GDPD5: variants seen among roughly 807,000 people sequenced by gnomAD.
GDPD5 encodes the protein glycerophosphodiester phosphodiesterase 2.
In GDPD5, 48 loss-of-function variants were observed where a neutral mutation model predicts 75.1. The ratio of observed to expected loss-of-function variants is 0.64; its 90% CI spans 0.51 to 0.81. The LOEUF (loss-of-function observed/expected upper bound fraction) is 0.81. Among genes scored for constraint, GDPD5 ranks in the 40% least tolerant of loss-of-function variants. The pLI is 0.00. For synonymous variants in GDPD5, 336 were observed against 339.0 expected (o/e 0.99, Z 0.10); for missense variants, 706 against 822.6 (o/e 0.86, Z 1.73).
chr11:75,437,721 A>C (rs1948662996), intron 15 of GDPD5: 2 of 152,518 alleles, frequency 1.3e-5, no homozygotes, highest in African/African-American at 2.4e-5. Context: ...ATTACTCAAG[A>C]GTGGGCTGGG....
intron 11 of GDPD5, 57 bp from the exon 12 acceptor site, chr11:75,442,638 C>G (rs972620171): frequency 6.5e-7 from 1 of 1,529,076 alleles, no homozygotes; most frequent in Admixed American, 1.7e-5. Context: ...GGGGCCCCCA[C>G]ATACCCTTCT....
chr11:75,501,748 G>A lies in GDPD5; in HGVS notation c.-144-11428C>T, dbSNP rs182008749. Among the ~76,000 whole-genome samples the A allele has an allele frequency of 6.1e-3, 930 of 152,300 alleles. 4 individuals carry two copies. The highest frequency in any genetic ancestry group is 0.017 in the Middle Eastern group (5 of 294). On this transcript the variant is annotated intron_variant, in intron 1 of 16. Transcript: ENST00000336898. ...CTCTCCACAGACAGGGCTGGGGGCA[G>A]AGGAGGAGGCCACCGGCCCTGCTAG...
Position 75,441,675 on chromosome 11 carries a change from G to A in GDPD5, c.1296C>T (p.Arg432=), listed in dbSNP as rs1483665952. Residue 432 remains arginine, a synonymous_variant, in exon 13 of 17, where the codon CGC becomes CGT. Transcript: ENST00000336898. ...RRGHIQRLNL[R]YTQVSRQELR... ...GCTCCTGGCGGGACACCTGAGTGTA[G>A]CGCAGGTTCAGCCGCTGGATGTGGC... The A allele has an allele frequency of 1.9e-6, 3 of 1,599,828 alleles. No homozygotes were observed. The highest frequency in any genetic ancestry group is 1.1e-5 in the South Asian group (1 of 89,556).
chr11:75,470,005 G>T (rs775777595), intron 3 of GDPD5, among the ~76,000 whole-genome samples: 8 of 152,238 alleles, frequency 5.3e-5, no homozygotes, highest in Non-Finnish European at 1.2e-4. Flanking sequence ...CCACTCCTGG[G>T]AATTGGTGTG....
intron 1 of GDPD5, among the ~76,000 whole-genome samples, chr11:75,504,432 G>A (rs1183039340): frequency 6.6e-6 from 1 of 152,274 alleles, no homozygotes; most frequent in East Asian, 1.9e-4. Flanking sequence ...AGGGTCCATC[G>A]ACAGGTGAAC....
rs143047897 is a variant in GDPD5, at chr11:75,441,658, C to T, written c.1313G>A (p.Arg438His). The change falls in exon 13 of 17, where the codon CGC becomes CAC. Residue 438 changes from arginine to histidine, a missense_variant. Arg to His is a conservative substitution (Grantham distance 29, BLOSUM62 0). Transcript: ENST00000336898. ...GCAGGGCAGGCACCTGAGCTCCTGG[C>T]GGGACACCTGAGTGTAGCGCAGGTT... ...RLNLRYTQVS[R>H]QELRDYASWN... 1.2e-4 allele frequency: 187 copies of T among 1,583,680 alleles called. No homozygotes were observed. The highest frequency in any genetic ancestry group is 1.4e-4 in the Non-Finnish European group (167 of 1,166,296).
At chr11:75,447,894 A>T (rs1475239459) in intron 9 of GDPD5, among the ~76,000 whole-genome samples, 1 of 152,192 alleles carries the variant, frequency 6.6e-6, no homozygotes, top group Non-Finnish European at 1.5e-5. Context: ...CATGTGGCCA[A>T]ACTGGACACC....
In GDPD5 at chr11:75,439,890, G is replaced by A. The variant is rs368415075; in HGVS notation, c.1545C>T (p.Phe515=). The A allele has an allele frequency of 1.6e-4, 260 of 1,613,754 alleles. 1 individual carries two copies. The highest frequency in any genetic ancestry group is 5.6e-4 in the East Asian group (25 of 44,868). Residue 515 remains phenylalanine, a synonymous_variant, in exon 15 of 17, where the codon TTC becomes TTT. Transcript: ENST00000336898. The part of the protein sequence containing the change: ...LVSFTLIVGI[F]VLQKWRLGGI... ...CAGATCCTACTCACTTCTGGAGCAC[G>A]AAGATGCCCACGATGAGGGTGAAGG...
At chr11:75,476,120 A>G (rs139356502) in intron 3 of GDPD5, among the ~76,000 whole-genome samples, 3 of 152,016 alleles carry the variant, frequency 2.0e-5, no homozygotes, top group East Asian at 1.9e-4. Context: ...CTGTCTCCCC[A>G]CCCCATTCAC....
chr11:75,458,497 C>T (rs377576620), intron 4 of GDPD5, among the ~76,000 whole-genome samples: 2 of 152,102 alleles, frequency 1.3e-5, no homozygotes, highest in South Asian at 2.1e-4. Flanking sequence ...ATGGTGAAAC[C>T]CCATCTCTAC....
chr11:75,522,273 A>T (rs1470846182), intron 1 of GDPD5, among the ~76,000 whole-genome samples: 1 of 152,182 alleles, frequency 6.6e-6, no homozygotes, highest in African/African-American at 2.4e-5. Context: ...GGGGAAATGG[A>T]GGCCTGATGG....
rs771268654 is a variant in GDPD5, at chr11:75,441,787, C to G, written c.1184G>C (p.Ser395Thr). 6.2e-7 allele frequency: 1 copy of G among 1,609,218 alleles called. No individual in the cohort carries two copies. The highest frequency in any genetic ancestry group is 2.2e-5 in the East Asian group (1 of 44,868). Reference sequence around the variant, plus strand: ...CTTCCGCACCAGGGGCCTCTGCCTGCTAGGCAGCCACATGACCTGCAGGCA... The same window carrying G: ...CTTCCGCACCAGGGGCCTCTGCCTGGTAGGCAGCCACATGACCTGCAGGCA... ...FPQHQVMWLPSRQRPLVRKVA... is the reference protein window; with the variant it reads ...FPQHQVMWLPTRQRPLVRKVA... Residue 395 changes from serine to threonine, a missense_variant, in exon 13 of 17, where the codon AGC (serine) becomes ACC (threonine). By Grantham distance (58) the Ser-to-Thr change is moderately conservative (BLOSUM62 1). Coordinates refer to ENST00000336898, the MANE Select transcript of GDPD5 (RefSeq NM_030792.8).
At chr11:75,437,202 G>C in intron 15 of GDPD5, 154 bp from the exon 16 acceptor site, 1 of 608,078 alleles carries the variant, frequency 1.6e-6, no homozygotes. Flanking sequence ...AGAGAGGGCA[G>C]AGTTGGGGCT....
At chr11:75,521,833 T>C (rs1461756894) in intron 1 of GDPD5, among the ~76,000 whole-genome samples, 1 of 151,856 alleles carries the variant, frequency 6.6e-6, no homozygotes, top group East Asian at 1.9e-4. Flanking sequence ...GGGCCACATG[T>C]GGTGTGTTTA....
intron 3 of GDPD5, among the ~76,000 whole-genome samples, chr11:75,472,075 G>A (rs750407854): frequency 1.3e-5 from 2 of 152,162 alleles, no homozygotes; most frequent in Non-Finnish European, 2.9e-5. Flanking sequence ...TTTCTGCAGG[G>A]TTGGAACAAT....
chr11:75,462,934 C>A (rs1206234883), intron 3 of GDPD5, 45 bp from the exon 4 acceptor site: 1 of 1,500,390 alleles, frequency 6.7e-7, no homozygotes, highest in Admixed American at 1.8e-5. Flanking sequence ...CAGGGGCCAG[C>A]CCCTTAGGCT....
At chr11:75,507,382 C>T (rs1021731376) in intron 1 of GDPD5, among the ~76,000 whole-genome samples, 1 of 152,260 alleles carries the variant, frequency 6.6e-6, no homozygotes, top group Non-Finnish European at 1.5e-5. Flanking sequence ...CTTCTTCCAA[C>T]ATCCTCATTT....
chr11:75,523,286 C>G (rs553569368), intron 1 of GDPD5, among the ~76,000 whole-genome samples: 14 of 152,326 alleles, frequency 9.2e-5, no homozygotes, highest in African/African-American at 3.4e-4. Flanking sequence ...TCTGATTTAC[C>G]ACTATCTGGG....
At chr11:75,518,572 C>T (rs1260659829) in intron 1 of GDPD5, among the ~76,000 whole-genome samples, 1 of 152,204 alleles carries the variant, frequency 6.6e-6, no homozygotes, top group East Asian at 1.9e-4. Context: ...AAGCCATGGG[C>T]TTGGATGCCC....
Sources: allele counts gnomAD v4.1 joint callset (sites outside exome capture counted in the v4.1 genomes callset), GRCh38; gene constraint gnomAD v4.1.1; transcripts MANE v1.5; gene names NCBI Gene and HGNC (gene_info 2026-07-23, HGNC 2026-07-21).